EEA1: variants seen among roughly 807,000 people sequenced by gnomAD.
The protein encoded by EEA1 is early endosome antigen 1.
A neutral mutation model predicts 209.2 loss-of-function variants in EEA1; 111 were observed. The observed-to-expected ratio is 0.53, with a 90% CI of 0.45 to 0.62. The LOEUF is 0.62. Ranked by LOEUF, EEA1 falls within the 20% of genes least tolerant of loss-of-function variation. The pLI is 0.00. For synonymous variants in EEA1, 536 were observed against 540.6 expected (o/e 0.99, Z 0.12); for missense variants, 1,343 against 1,530.8 (o/e 0.88, Z 2.05).
intron 2 of EEA1, among the ~76,000 whole-genome samples, chr12:92,868,675 C>T (rs1375467578): frequency 3.9e-5 from 6 of 152,060 alleles, no homozygotes; most frequent in Non-Finnish European, 8.8e-5. Flanking sequence ...AGAAATATTC[C>T]ACATAAGTGA....
At chr12:92,895,616 C>A (rs570461160) in intron 1 of EEA1, among the ~76,000 whole-genome samples, 82 of 152,212 alleles carry the variant, frequency 5.4e-4, no homozygotes, top group African/African-American at 2.0e-3. Flanking sequence ...TGTTTTCATG[C>A]CTATTAATAT....
rs113340784 is a variant in EEA1 at position 92,828,123 on chromosome 12, C to T, written c.1255-62G>A. On this transcript the variant is annotated intron_variant, in intron 11 of 28. Transcript: ENST00000322349. ...ACAAACACACACACAGCACCACCTA[C>T]TTTCCAAACAATGTTTTACTTTTCA... 30 of 1,260,118 alleles carry T rather than the reference C, an allele frequency of 2.4e-5. No individual in the cohort carries two copies. In the African/African-American group the frequency reaches 3.4e-4, roughly 14 times the overall value. The allele number at this position is 1,260,118 out of a possible 1,614,324, so 78.1% of individuals were successfully genotyped here.
rs558859578 is a variant in EEA1, at chr12:92,832,588, G to A, written c.1178C>T (p.Ala393Val). ...CTGTTGTTGTAGCTGCTTAAACTCC[G>A]CCTTTAGATGCTGGTACTTGGTCTC... is the stretch of plus-strand genomic sequence containing the variant. ...EVETKYQHLKAEFKQLQQQRE... is the reference protein window; with the variant it reads ...EVETKYQHLKVEFKQLQQQRE... The change falls in exon 11 of 29, where the codon GCG becomes GTG. Residue 393 changes from alanine to valine, a missense_variant. Transcript: ENST00000322349. 17 of 1,613,944 alleles carry A rather than the reference G, an allele frequency of 1.1e-5. No homozygotes were observed. In the Middle Eastern group the frequency reaches 5.0e-4, roughly 47 times the overall value.
At chr12:92,924,255 G>A (rs1343145297) in intron 1 of EEA1, among the ~76,000 whole-genome samples, 1 of 145,960 alleles carries the variant, frequency 6.9e-6, no homozygotes, top group Non-Finnish European at 1.5e-5. Flanking sequence ...GCCCAGGCTG[G>A]AGAGTGCAAT....
At chr12:92,833,636 G>A (rs767103111) in intron 10 of EEA1, among the ~76,000 whole-genome samples, 2 of 152,136 alleles carry the variant, frequency 1.3e-5, no homozygotes, top group Non-Finnish European at 2.9e-5. Flanking sequence ...AGGATAAGAA[G>A]CTACTGTAAG....
intron 2 of EEA1, among the ~76,000 whole-genome samples, chr12:92,871,464 A>G (rs1410636771): frequency 6.6e-6 from 1 of 152,208 alleles, no homozygotes; most frequent in East Asian, 1.9e-4. Context: ...TTCATCGTGC[A>G]CTTTCTGGTA....
intron 12 of EEA1, among the ~76,000 whole-genome samples, chr12:92,827,392 A>G (rs1232541314): frequency 6.6e-6 from 1 of 152,182 alleles, no homozygotes; most frequent in Non-Finnish European, 1.5e-5. Flanking sequence ...AAAAACTTAA[A>G]AATAAAAAAG....
rs760131934 is a variant in EEA1, at chr12:92,816,293, T to C, written c.1836A>G (p.Ala612=). ...TTTCTAGGGAAAGGACACGGTCTTG[T>C]GCAGCTCTAAGATGTGCCTTCTGCT... ...VQEQKAHLRA[A]QDRVLSLETS... Residue 612 remains alanine, a synonymous_variant, in exon 15 of 29, where the codon GCA becomes GCG. Coordinates refer to ENST00000322349, the MANE Select transcript of EEA1 (RefSeq NM_003566.4). 1.2e-6 allele frequency: 2 copies of C among 1,613,950 alleles called. No homozygotes were observed. Among genetic ancestry groups the C allele is most frequent in the Admixed American group, 1.7e-5 (1 of 59,996 alleles).
rs1389936912 is a variant in EEA1 at position 92,771,416 on chromosome 12, T to C, written c.*4595A>G. The C allele has an allele frequency of 6.6e-6, 1 of 152,042 alleles. No homozygotes were observed. The highest frequency in any genetic ancestry group is 1.9e-4 in the East Asian group (1 of 5,192). 9.4% of individuals were successfully genotyped at this position (152,042 alleles called of 1,614,324 possible). A position where few individuals can be genotyped will look rare whatever the true frequency, so the allele number is the denominator to read the frequency against. ...AAGACAAGTGCAGCAGAAAGGCTTT[T>C]GTACAAGGCAAGCACTATTAGAATG... On this transcript the variant is annotated 3_prime_UTR_variant, in exon 29 of 29. Transcript: ENST00000322349.
intron 1 of EEA1, among the ~76,000 whole-genome samples, chr12:92,924,753 G>C (rs1431597696): frequency 6.9e-6 from 1 of 144,238 alleles, no homozygotes; most frequent in Non-Finnish European, 1.5e-5. Flanking sequence ...ACTAGCCCTG[G>C]TTCTTTTCAT....
rs182023427 is a variant in EEA1, at chr12:92,858,657, T to C, written c.246-1172A>G. 25 of 737,150 alleles carry C rather than the reference T, an allele frequency of 3.4e-5. 1 individual carries two copies. The highest frequency in any genetic ancestry group is 2.4e-4 in the Middle Eastern group (1 of 4,188). The allele number at this position is 737,150 out of a possible 1,614,324, so 45.7% of individuals were successfully genotyped here. A position where few individuals can be genotyped will look rare whatever the true frequency, so the allele number is the denominator to read the frequency against. On this transcript the variant is annotated intron_variant, in intron 3 of 28. Transcript: ENST00000322349. ...AAGTTACTGTGCACTATATGCAGGA[T>C]TGAGGTGCTATGCTTCCCATCAGAG...
chr12:92,792,577 C>T (rs966399441), intron 21 of EEA1, among the ~76,000 whole-genome samples: 2 of 152,012 alleles, frequency 1.3e-5, no homozygotes, highest in Admixed American at 6.6e-5. Flanking sequence ...CAAGACTAAA[C>T]CAGGAAGAAG....
chr12:92,891,539 T>C, intron 2 of EEA1, 90 bp downstream of exon 2: 1 of 1,014,312 alleles, frequency 9.9e-7, no homozygotes, highest in South Asian at 1.8e-5. Flanking sequence ...TTGTGAGAAC[T>C]TTTCCTATAC....
At position 92,853,968 on chromosome 12, in the gene EEA1, A is replaced by G. The variant is rs373429887; in HGVS notation, c.367-14T>C. On this transcript the variant is annotated splice_polypyrimidine_tract_variant and intron_variant, in intron 5 of 28. Coordinates refer to ENST00000322349, the MANE Select transcript of EEA1 (RefSeq NM_003566.4). ...AGGTTTGGCCTCCTCAATTAAAACAAAAGACATAAACAAATGAATTAAAAG... is the reference window on the plus strand; with the variant it reads ...AGGTTTGGCCTCCTCAATTAAAACAGAAGACATAAACAAATGAATTAAAAG... The G allele has an allele frequency of 7.0e-6, 11 of 1,567,574 alleles. No individual in the cohort carries two copies. Among genetic ancestry groups the G allele is most frequent in the East Asian group, 4.7e-5 (2 of 42,346 alleles).
intron 1 of EEA1, among the ~76,000 whole-genome samples, chr12:92,923,688 A>T (rs1245851775): frequency 6.7e-6 from 1 of 150,084 alleles, no homozygotes; most frequent in East Asian, 1.9e-4. Flanking sequence ...CACTTATCAC[A>T]TTGTTTTGTA....
chr12:92,914,627 C>G (rs868708393), intron 1 of EEA1, among the ~76,000 whole-genome samples: 1 of 151,854 alleles, frequency 6.6e-6, no homozygotes, highest in African/African-American at 2.4e-5. Context: ...GAGTTTAAGA[C>G]CATCCCCTGG....
chr12:92,802,684 C>T lies in EEA1; in HGVS notation c.2390G>A (p.Ser797Asn), dbSNP rs139781756. Residue 797 changes from serine to asparagine, a missense_variant, in exon 19 of 29, where the codon AGT (serine) becomes AAT (asparagine). Around this residue, in one of 3 missense-constraint regions of EEA1, gnomAD observed 1,307 missense variants for 1,465.5 expected, o/e 0.89. Transcript: ENST00000322349. ...TTGCTTGGTAAGCTTTTGCTTGATA[C>T]TTTCAAGGGCTTCAGATTTTTTCTG... ...DLQKKSEALE[S>N]IKQKLTKQEE... 13 of 1,601,018 alleles carry T rather than the reference C, an allele frequency of 8.1e-6. No individual in the cohort carries two copies. In the African/African-American group the frequency reaches 1.6e-4, roughly 20 times the overall value.
At chr12:92,820,755 GTA>G (rs34228902) in intron 13 of EEA1, among the ~76,000 whole-genome samples, 128,996 of 147,706 alleles carry the variant, frequency 0.87, 56,554 homozygotes, top group East Asian at 0.95. Context: ...AGAGCTTAAA[GTA>G]TATATATATA....
At chr12:92,865,568 T>A (rs1051778845) in intron 2 of EEA1, among the ~76,000 whole-genome samples, 1 of 151,980 alleles carries the variant, frequency 6.6e-6, no homozygotes, top group Non-Finnish European at 1.5e-5. Context: ...CATAACTACA[T>A]AACTAATCTC....
Sources: gnomAD v4.1 joint callset for allele counts (sites outside exome capture counted in the v4.1 genomes callset) on GRCh38, gnomAD v4.1.1 for gene constraint, gnomAD v4.1.1 regional missense constraint, MANE v1.5 for transcripts, NCBI Gene and HGNC (gene_info 2026-07-23, HGNC 2026-07-21) for gene names.